The following CHCHD6 variants were observed in gnomAD, a reference collection of about 807,000 sequenced individuals.
The protein encoded by CHCHD6 is coiled-coil-helix-coiled-coil-helix domain containing 6, also known as MICOS complex subunit MIC25.
A neutral mutation model predicts 32.3 loss-of-function variants in CHCHD6; 28 were observed. That is an observed-to-expected ratio of 0.87 (90% CI 0.64 to 1.19). CHCHD6 has a LOEUF of 1.19. Ranked by LOEUF, CHCHD6 falls within the 50% of genes most tolerant of loss-of-function variation. The pLI, the probability that CHCHD6 is intolerant of heterozygous loss-of-function variation, is 0.00. For missense variants in CHCHD6, 333 were observed against 307.0 expected (o/e 1.08, Z -0.63); for synonymous variants, 122 against 117.5 (o/e 1.04, Z -0.25).
chr3:126,960,185 T>C lies in CHCHD6; in HGVS notation c.703-11T>C, dbSNP rs1245321374. 10 of 1,551,362 alleles carry C rather than the reference T, an allele frequency of 6.4e-6. No homozygotes were observed. The highest frequency in any genetic ancestry group is 8.7e-6 in the Non-Finnish European group (10 of 1,146,904). On this transcript the variant is annotated splice_polypyrimidine_tract_variant and intron_variant, in intron 7 of 7. Coordinates refer to ENST00000290913, the MANE Select transcript of CHCHD6 (RefSeq NM_032343.3). Reference sequence around the variant, plus strand: ...GGGCCCTGACTCAACTCTGACCTGTTCTCTTTGTAGGGCTGAGGAGCAGAC... The same window carrying C: ...GGGCCCTGACTCAACTCTGACCTGTCCTCTTTGTAGGGCTGAGGAGCAGAC...
chr3:126,724,602 G>A (rs2107655751), intron 1 of CHCHD6, among the ~76,000 whole-genome samples: 1 of 152,168 alleles, frequency 6.6e-6, no homozygotes, highest in South Asian at 2.1e-4. Flanking sequence ...CAACAATGAA[G>A]TTTGCCACAT....
chr3:126,914,578 T>A, intron 5 of CHCHD6, 102 bp from the exon 6 acceptor site: 1 of 761,640 alleles, frequency 1.3e-6, no homozygotes, highest in Admixed American at 1.9e-5. Flanking sequence ...TTGATGCCCG[T>A]CAAGAAATTA....
chr3:126,807,877 C>T (rs557564766), intron 4 of CHCHD6, among the ~76,000 whole-genome samples: 1 of 152,198 alleles, frequency 6.6e-6, no homozygotes, highest in Non-Finnish European at 1.5e-5. Context: ...GTCTCTATTG[C>T]AGTGACCCAT....
chr3:126,867,172 A>G (rs536317109), intron 5 of CHCHD6, among the ~76,000 whole-genome samples: 2 of 152,292 alleles, frequency 1.3e-5, no homozygotes, highest in East Asian at 1.9e-4. Context: ...AGCCAAATAT[A>G]CACCTTTTTA....
chr3:126,805,634 A>G (rs945781371), intron 4 of CHCHD6, among the ~76,000 whole-genome samples: 4 of 152,198 alleles, frequency 2.6e-5, no homozygotes, highest in African/African-American at 7.2e-5. Flanking sequence ...GCCCAAGGTA[A>G]TTTATAGATT....
Position 126,711,004 on chromosome 3 carries a change from T to C in CHCHD6, c.87+6605T>C, listed in dbSNP as rs1934724534. 1.3e-5 allele frequency among the ~76,000 whole-genome samples: 2 copies of C among 152,194 alleles called. 1 individual carries two copies. The highest frequency in any genetic ancestry group is 4.8e-5 in the African/African-American group (2 of 41,450). ...AACGTCCTTGTCTTGTTCCTGAACTTAGGGTGAAAGCATTCAGTCTTCCAT... is the reference window on the plus strand; with the variant it reads ...AACGTCCTTGTCTTGTTCCTGAACTCAGGGTGAAAGCATTCAGTCTTCCAT... On this transcript the variant is annotated intron_variant, in intron 1 of 7. Transcript: ENST00000290913.
chr3:126,930,900 C>T (rs942587258), intron 6 of CHCHD6, among the ~76,000 whole-genome samples: 1 of 152,242 alleles, frequency 6.6e-6, no homozygotes, highest in Non-Finnish European at 1.5e-5. Context: ...TAGAAAAGAA[C>T]TCTCTCTGAT....
chr3:126,865,981 A>C (rs1942277088), intron 5 of CHCHD6, among the ~76,000 whole-genome samples: 1 of 152,134 alleles, frequency 6.6e-6, no homozygotes, highest in Non-Finnish European at 1.5e-5. Flanking sequence ...AGTGCCCAAG[A>C]CCTGTCAGTT....
At chr3:126,806,354 A>G (rs1373879479) in intron 4 of CHCHD6, among the ~76,000 whole-genome samples, 2 of 152,202 alleles carry the variant, frequency 1.3e-5, no homozygotes, top group African/African-American at 2.4e-5. Context: ...CAAATTTACA[A>G]GAAAAAAACA....
chr3:126,924,907 G>A (rs1244005193), intron 6 of CHCHD6, among the ~76,000 whole-genome samples: 2 of 152,164 alleles, frequency 1.3e-5, no homozygotes, highest in African/African-American at 4.8e-5. Flanking sequence ...TTTCCTTCCA[G>A]GCCTCCATCA....
intron 4 of CHCHD6, among the ~76,000 whole-genome samples, chr3:126,835,607 G>A (rs1940824434): frequency 6.6e-6 from 1 of 152,212 alleles, no homozygotes. Flanking sequence ...GGAACTATAG[G>A]TCTGTTGCTG....
At chr3:126,755,028 C>T (rs1936896900) in intron 4 of CHCHD6, among the ~76,000 whole-genome samples, 1 of 152,122 alleles carries the variant, frequency 6.6e-6, no homozygotes, top group Non-Finnish European at 1.5e-5. Context: ...AGAATCCAAG[C>T]TCCTCGAGTA....
intron 4 of CHCHD6, among the ~76,000 whole-genome samples, chr3:126,835,456 G>C (rs965978082): frequency 1.3e-5 from 2 of 152,196 alleles, no homozygotes; most frequent in Non-Finnish European, 1.5e-5. Context: ...CAATCCCTGA[G>C]GTCTGAAGTG....
chr3:126,779,967 C>T (rs559279785), intron 4 of CHCHD6, among the ~76,000 whole-genome samples: 1 of 152,278 alleles, frequency 6.6e-6, no homozygotes, highest in South Asian at 2.1e-4. Flanking sequence ...GCTGTAGAGA[C>T]TTAATCAATG....
chr3:126,935,247 T>A, intron 6 of CHCHD6: 1 of 716,108 alleles, frequency 1.4e-6, no homozygotes, highest in Non-Finnish European at 1.7e-6. Context: ...ATCCCAGATG[T>A]GGTGTTCCCT....
chr3:126,938,910 G>A (rs2078520539), intron 6 of CHCHD6, among the ~76,000 whole-genome samples: 1 of 152,216 alleles, frequency 6.6e-6, no homozygotes, highest in African/African-American at 2.4e-5. Flanking sequence ...TTCATTTCGG[G>A]TTGGCCAGCG....
intron 6 of CHCHD6, 147 bp from the exon 7 acceptor site, chr3:126,957,269 T>C: frequency 1.1e-6 from 1 of 873,906 alleles, no homozygotes; most frequent in Non-Finnish European, 1.8e-6. Context: ...GAAAGCACAG[T>C]GCTTCTCCTT....
intron 4 of CHCHD6, among the ~76,000 whole-genome samples, chr3:126,841,923 C>T (rs1399495333): frequency 6.6e-6 from 1 of 151,668 alleles, no homozygotes; most frequent in East Asian, 1.9e-4. Context: ...CAAAACAAAA[C>T]AAAACAAAAC....
intron 4 of CHCHD6, among the ~76,000 whole-genome samples, chr3:126,846,355 G>A (rs1941295660): frequency 6.6e-6 from 1 of 152,186 alleles, no homozygotes; most frequent in African/African-American, 2.4e-5. Flanking sequence ...AAACAATAGG[G>A]TAACCTGAAA....
Sources: gnomAD v4.1 joint callset for allele counts (sites outside exome capture counted in the v4.1 genomes callset) on GRCh38, gnomAD v4.1.1 for gene constraint, MANE v1.5 for transcripts, NCBI Gene and HGNC (gene_info 2026-07-23, HGNC 2026-07-21) for gene names.